The following MTOR variants were observed in gnomAD, a reference collection of about 807,000 sequenced individuals.
The protein encoded by MTOR is serine/threonine-protein kinase mTOR.
MTOR carries 70 observed loss-of-function variants against 319.8 expected under a neutral mutation model. That is an observed-to-expected ratio of 0.22 (90% CI 0.18 to 0.27). The LOEUF is 0.27. MTOR is among the 10% of genes least tolerant of loss of function. The pLI, the probability that MTOR is intolerant of heterozygous loss-of-function variation, is 1.00. For missense variants in MTOR, 1,890 were observed against 3,274.4 expected (o/e 0.58, Z 10.32); for synonymous variants, 1,183 against 1,211.4 (o/e 0.98, Z 0.49).
chr1:11,154,544 A>C (rs1644258632), intron 30 of MTOR, among the ~76,000 whole-genome samples: 3 of 152,120 alleles, frequency 2.0e-5, no homozygotes, highest in Non-Finnish European at 4.4e-5. Context: ...TATATGATCC[A>C]ATGCCTAAGG....
intron 28 of MTOR, among the ~76,000 whole-genome samples, chr1:11,172,030 CAA>C (rs1314310546): frequency 3.1e-4 from 26 of 84,642 alleles, no homozygotes; most frequent in Non-Finnish European, 2.7e-4. Context: ...AACTCCATCT[CAA>C]AAAAAAAAAA....
At chr1:11,136,487 T>G (rs1273111552) in intron 36 of MTOR, among the ~76,000 whole-genome samples, 1 of 148,526 alleles carries the variant, frequency 6.7e-6, no homozygotes, top group African/African-American at 2.6e-5. Flanking sequence ...TTAATTTTAA[T>G]TTTTTTAACT....
At chr1:11,246,142 T>C (rs1648784101) in intron 8 of MTOR, among the ~76,000 whole-genome samples, 1 of 152,216 alleles carries the variant, frequency 6.6e-6, no homozygotes, top group African/African-American at 2.4e-5. Context: ...ACTGGCATAT[T>C]TTAGCATATT....
Position 11,134,338 on chromosome 1 carries a change from G to C in MTOR, c.5246+13C>G, listed in dbSNP as rs1470209630. ...CTGGAATATGACTTGCCCCAGGTCA[G>C]TGGGGACCTCACCGGGCCATGAGCT... On this transcript the variant is annotated intron_variant, in intron 37 of 57. Transcript: ENST00000361445. 14 of 1,611,258 alleles carry C rather than the reference G, an allele frequency of 8.7e-6. No homozygotes were observed. The highest frequency in any genetic ancestry group is 1.2e-5 in the Non-Finnish European group (14 of 1,177,836).
At position 11,115,509 on chromosome 1, in the gene MTOR, G is replaced by A; in HGVS notation, c.7017-41C>T. The A allele has an allele frequency of 6.3e-7, 1 of 1,581,466 alleles. No homozygotes were observed. Among genetic ancestry groups the A allele is most frequent in the South Asian group, 1.1e-5 (1 of 90,372 alleles). ...GACAGATCAGGGAGGGATCAACAGAGATAACGGATGAAAAAATCAATAAGT... is the reference window on the plus strand; with the variant it reads ...GACAGATCAGGGAGGGATCAACAGAAATAACGGATGAAAAAATCAATAAGT... On this transcript the variant is annotated intron_variant, in intron 50 of 57. Transcript: ENST00000361445. The surrounding 1 kb of genome is among the most constrained non-coding windows in gnomAD (Gnocchi z 4.5).
intron 26 of MTOR, 33 bp downstream of exon 26, chr1:11,204,528 C>A: frequency 6.3e-7 from 1 of 1,592,266 alleles, no homozygotes; most frequent in Non-Finnish European, 8.6e-7. Context: ...TTTCTATGTG[C>A]TGATCTTCTC....
At chr1:11,203,976 CA>C (rs34085316) in intron 26 of MTOR, among the ~76,000 whole-genome samples, 92,976 of 152,036 alleles carry the variant, frequency 0.61, 31,477 homozygotes, top group East Asian at 0.87. Flanking sequence ...AAGGCCCAAG[CA>C]AACTCATGGA....
rs527297744 is a variant in MTOR at position 11,119,873 on chromosome 1, G to A, written c.6933+1373C>T. On this transcript the variant is annotated intron_variant, in intron 49 of 57. Coordinates refer to ENST00000361445, the MANE Select transcript of MTOR (RefSeq NM_004958.4). ...TCTAACTTTAAAAAATGCCTGTACA[G>A]TCATATCTCTAAGTTAGGGCCCCCA... 3.2e-4 allele frequency among the ~76,000 whole-genome samples: 48 copies of A among 151,420 alleles called. No homozygotes were observed. The South Asian group carries it at 7.9e-3, about 25-fold the overall frequency.
At chr1:11,165,063 ACT>A (rs1241342538) in intron 29 of MTOR, among the ~76,000 whole-genome samples, 1 of 152,038 alleles carries the variant, frequency 6.6e-6, no homozygotes, top group Non-Finnish European at 1.5e-5. Context: ...CATGCTAAAA[ACT>A]CTCAATAAAT....
intron 19 of MTOR, among the ~76,000 whole-genome samples, chr1:11,217,437 G>A (rs1413307322): frequency 6.6e-6 from 1 of 151,058 alleles, no homozygotes; most frequent in African/African-American, 2.4e-5. Context: ...TGTCACCCAG[G>A]CTGGAGTACA....
Position 11,133,005 on chromosome 1 carries a change from C to T in MTOR, c.5364+75G>A. On this transcript the variant is annotated intron_variant, in intron 38 of 57. Coordinates refer to ENST00000361445, the MANE Select transcript of MTOR (RefSeq NM_004958.4). This position sits in a 1 kb window ranked among gnomAD's most constrained non-coding sequence, Gnocchi z 4.0. ...TCAGCCTAGCTCCGCAGAAGCTCAG[C>T]TGTAACCACGAGCACACAGGAGGAC... is the stretch of plus-strand genomic sequence containing the variant. 2 of 1,283,056 alleles carry T rather than the reference C, an allele frequency of 1.6e-6. No individual in the cohort carries two copies. The highest frequency in any genetic ancestry group is 1.1e-6 in the Non-Finnish European group (1 of 884,994). 79.5% of individuals were successfully genotyped at this position (1,283,056 alleles called of 1,614,324 possible).
intron 30 of MTOR, among the ~76,000 whole-genome samples, 176 bp downstream of exon 30, chr1:11,156,976 G>A (rs916332527): frequency 2.6e-5 from 4 of 152,180 alleles, no homozygotes; most frequent in Non-Finnish European, 5.9e-5. Flanking sequence ...TAGCAGCTGA[G>A]ATAGAATGGA....
rs775791935 is a variant in MTOR, at chr1:11,213,592, GCTGAGTCAGGTCCCTTT to G, written c.3118-43_3118-27del. ...CTACAAAGAGAGAAAAGTCAGAGGAGCTGAGTCAGGTCCCTTTCTGATGATATATGAACAAAGGAATC... is the reference window on the plus strand; with the variant it reads ...CTACAAAGAGAGAAAAGTCAGAGGAGCTGATGATATATGAACAAAGGAATC... On this transcript the variant is annotated intron_variant, in intron 20 of 57. Coordinates refer to ENST00000361445, the MANE Select transcript of MTOR (RefSeq NM_004958.4). The G allele has an allele frequency of 1.4e-5, 22 of 1,607,834 alleles. No individual in the cohort carries two copies. The South Asian group carries it at 2.4e-4, about 18-fold the overall frequency.
At chr1:11,139,893 T>C (rs1019722201) in intron 34 of MTOR, among the ~76,000 whole-genome samples, 1 of 152,128 alleles carries the variant, frequency 6.6e-6, no homozygotes, top group South Asian at 2.1e-4. Context: ...GGTTTCAGCA[T>C]CTTGGCCAGG....
chr1:11,255,866 T>C (rs1454362362), intron 5 of MTOR, 126 bp downstream of exon 5: 1 of 603,892 alleles, frequency 1.7e-6, no homozygotes, highest in Non-Finnish European at 2.4e-6. Context: ...AAAAAAAAAA[T>C]TCATTTGAGA....
chr1:11,138,434 G>A (rs1643534394), intron 36 of MTOR, among the ~76,000 whole-genome samples: 3 of 152,236 alleles, frequency 2.0e-5, no homozygotes, highest in Admixed American at 2.0e-4. Context: ...CCCACTCTGG[G>A]TGGTATTCAC....
Position 11,150,186 on chromosome 1 carries a change from C to G in MTOR, c.4510G>C (p.Val1504Leu). The change falls in exon 31 of 58, where the codon GTT (valine) becomes CTT (leucine). Residue 1504 changes from valine (V) to leucine (L), a missense_variant. Val to Leu is a conservative substitution (Grantham distance 32). Transcript: ENST00000361445. Reference protein sequence around the residue: ...HQQCCEKWTLVNDETQAKMAR... With the variant: ...HQQCCEKWTLLNDETQAKMAR... ...ATCTTGGCTTGGGTCTCATCATTAA[C>G]CAGGGTCCACTTTTCACAGCACTGC... 6.2e-7 allele frequency: 1 copy of G among 1,614,098 alleles called. No homozygotes were observed. The highest frequency in any genetic ancestry group is 8.5e-7 in the Non-Finnish European group (1 of 1,180,004).
intron 12 of MTOR, 99 bp downstream of exon 12, chr1:11,238,303 G>T: frequency 7.8e-7 from 1 of 1,286,782 alleles, no homozygotes; most frequent in Non-Finnish European, 1.1e-6. Flanking sequence ...AGCTTTTTGA[G>T]CCGAAGAACT....
intron 34 of MTOR, among the ~76,000 whole-genome samples, chr1:11,143,081 G>A (rs1164470247): frequency 6.6e-6 from 1 of 152,176 alleles, no homozygotes; most frequent in Non-Finnish European, 1.5e-5. Flanking sequence ...CCCATGAAGT[G>A]TGACAACAAT....
Sources: gnomAD v4.1 joint callset for allele counts (sites outside exome capture counted in the v4.1 genomes callset) on GRCh38, gnomAD v4.1.1 for gene constraint, Gnocchi (gnomAD v3.1) non-coding constraint, MANE v1.5 for transcripts, NCBI Gene and HGNC (gene_info 2026-07-23, HGNC 2026-07-21) for gene names.